The following SAMMSON variants were observed in gnomAD, a reference collection of about 807,000 sequenced individuals.
SAMMSON encodes the protein survival associated mitochondrial melanoma specific oncogenic non-coding RNA, also known as long intergenic non-protein coding RNA 1212.
At chr3:70,014,233 GGA>G (rs2066971554) in intron 3 of SAMMSON, 1 of 152,108 alleles carries the variant, frequency 6.6e-6, no homozygotes, top group African/African-American at 2.4e-5. Context: ...TCGTACAGAG[GGA>G]ATTCAGTTGG....
chr3:70,166,765 A>C (rs941012813), intron 4 of SAMMSON, among the ~76,000 whole-genome samples: 6 of 151,946 alleles, frequency 3.9e-5, no homozygotes, highest in Admixed American at 2.0e-4. Flanking sequence ...TTAACATTGA[A>C]TACTCACCCA....
chr3:70,098,932 G>A (rs376285733), intron 4 of SAMMSON, among the ~76,000 whole-genome samples: 48 of 152,030 alleles, frequency 3.2e-4, no homozygotes, highest in African/African-American at 1.1e-3. Flanking sequence ...TACACCGCAT[G>A]TTTTCAGACT....
intron 4 of SAMMSON, among the ~76,000 whole-genome samples, chr3:70,124,769 C>T (rs1231734220): frequency 2.4e-5 from 3 of 123,152 alleles, no homozygotes; most frequent in Non-Finnish European, 4.7e-5. Flanking sequence ...GAGTCAAGAT[C>T]GTGCCAGTGC....
chr3:70,219,907 G>A (rs149709842), intron 4 of SAMMSON, among the ~76,000 whole-genome samples: 6 of 152,214 alleles, frequency 3.9e-5, no homozygotes, highest in Admixed American at 2.0e-4. Context: ...AAGCATAAGC[G>A]TTGTTCAAAG....
At chr3:70,068,762 C>T (rs1355342172) in intron 3 of SAMMSON, 1 of 152,048 alleles carries the variant, frequency 6.6e-6, no homozygotes, top group East Asian at 1.9e-4. Context: ...TCTCGAGTCA[C>T]AGTCAGTAAG....
At position 70,125,697 on chromosome 3, in the gene SAMMSON, C is replaced by A. The variant is rs77292151; in HGVS notation, n.507+54132C>A. ...CAGGTTGTGGTTGGTCAAATACATCCGAAGGTAACAGCACTAGATGTAAAC... is the reference window on the plus strand; with the variant it reads ...CAGGTTGTGGTTGGTCAAATACATCAGAAGGTAACAGCACTAGATGTAAAC... On this transcript the variant is annotated intron_variant and non_coding_transcript_variant, in intron 4 of 9. Transcript: ENST00000642114. 7 of 694,728 alleles carry A rather than the reference C, an allele frequency of 1.0e-5. No individual in the cohort carries two copies. In the African/African-American group the frequency reaches 1.2e-4, roughly 12 times the overall value. The allele number at this position is 694,728 out of a possible 1,614,324, so 43.0% of individuals were successfully genotyped here.
chr3:70,403,842 A>G (rs1204836601), intron 2 of SAMMSON, among the ~76,000 whole-genome samples: 1 of 152,190 alleles, frequency 6.6e-6, no homozygotes. Flanking sequence ...ATAAGTATGT[A>G]TATGTGTGAT....
chr3:70,404,388 G>A (rs1316830359), intron 2 of SAMMSON, among the ~76,000 whole-genome samples: 2 of 152,122 alleles, frequency 1.3e-5, no homozygotes, highest in Non-Finnish European at 2.9e-5. Flanking sequence ...GATTCATGTA[G>A]ACATCTTTCC....
At chr3:70,408,226 A>G (rs1395944465) in intron 2 of SAMMSON, among the ~76,000 whole-genome samples, 1 of 152,212 alleles carries the variant, frequency 6.6e-6, no homozygotes, top group African/African-American at 2.4e-5. Context: ...GAAGACCTCT[A>G]ACATGCCCTG....
intron 9 of SAMMSON, among the ~76,000 whole-genome samples, chr3:70,382,612 A>AT (rs1703080302): frequency 6.6e-6 from 1 of 152,068 alleles, no homozygotes; most frequent in African/African-American, 2.4e-5. Flanking sequence ...AAATGTTTGT[A>AT]TTTTTTTCAA....
At chr3:70,315,017 C>T (rs1328920575) in intron 7 of SAMMSON, among the ~76,000 whole-genome samples, 3 of 152,104 alleles carry the variant, frequency 2.0e-5, no homozygotes, top group Non-Finnish European at 4.4e-5. Flanking sequence ...TACAGTTATC[C>T]TTTGATAATT....
rs186067044 is a variant in SAMMSON, at chr3:70,399,541, G to A, written n.233+41217G>A. 1.6e-4 allele frequency among the ~76,000 whole-genome samples: 24 copies of A among 152,220 alleles called. No individual in the cohort carries two copies. The East Asian group carries it at 4.1e-3, about 26-fold the overall frequency. Reference sequence around the variant, plus strand: ...GAAAACCCCAACAAATATATCTGTTGATATCATTTTCATAAAATGATTACA... The same window carrying A: ...GAAAACCCCAACAAATATATCTGTTAATATCATTTTCATAAAATGATTACA... On this transcript the variant is annotated intron_variant and non_coding_transcript_variant, in intron 2 of 3. Transcript: ENST00000641053.
chr3:70,226,205 T>G (rs1701505918), intron 4 of SAMMSON, among the ~76,000 whole-genome samples: 1 of 152,216 alleles, frequency 6.6e-6, no homozygotes, highest in Non-Finnish European at 1.5e-5. Flanking sequence ...CTTCATAAAG[T>G]GCCAGGCAAT....
chr3:70,321,315 T>G (rs1438574535), intron 7 of SAMMSON, among the ~76,000 whole-genome samples: 2 of 152,130 alleles, frequency 1.3e-5, no homozygotes, highest in African/African-American at 2.4e-5. Flanking sequence ...TTCAATTGCA[T>G]TTTCTAGATT....
intron 3 of SAMMSON, among the ~76,000 whole-genome samples, chr3:70,062,558 A>G (rs994535803): frequency 2.0e-5 from 3 of 152,104 alleles, no homozygotes; most frequent in Non-Finnish European, 4.4e-5. Context: ...AGACACAAAC[A>G]TTTTGAGATG....
intron 7 of SAMMSON, among the ~76,000 whole-genome samples, chr3:70,349,669 G>T (rs909002257): frequency 6.6e-6 from 1 of 152,102 alleles, no homozygotes; most frequent in Non-Finnish European, 1.5e-5. Flanking sequence ...AGGTCGGGTT[G>T]GGAAAAGAGG....
At chr3:70,371,265 T>C (rs902642355) in intron 9 of SAMMSON, among the ~76,000 whole-genome samples, 1 of 152,142 alleles carries the variant, frequency 6.6e-6, no homozygotes, top group African/African-American at 2.4e-5. Context: ...ATAACTTTGT[T>C]CTTTTTGCTC....
intron 4 of SAMMSON, among the ~76,000 whole-genome samples, chr3:70,213,515 T>C (rs1432302193): frequency 6.6e-6 from 1 of 152,156 alleles, no homozygotes; most frequent in Non-Finnish European, 1.5e-5. Flanking sequence ...AATTTAGTAC[T>C]GTAGTTATCC....
At chr3:70,392,895 C>T (rs939599893), downstream of SAMMSON, among the ~76,000 whole-genome samples, 4 of 152,000 alleles carry the variant, frequency 2.6e-5, no homozygotes, top group Non-Finnish European at 5.9e-5. Flanking sequence ...GCAGAAGGCA[C>T]GGGCAGTAAG....
Sources: gnomAD v4.1 joint callset for allele counts (sites outside exome capture counted in the v4.1 genomes callset) on GRCh38, gnomAD v4.1.1 for gene constraint, MANE v1.5 for transcripts, NCBI Gene and HGNC (gene_info 2026-07-23, HGNC 2026-07-21) for gene names.